The following MACROD2 variants were observed in gnomAD, a reference collection of about 807,000 sequenced individuals.
The protein encoded by MACROD2 is ADP-ribose glycohydrolase MACROD2.
Under a neutral mutation model 70.4 loss-of-function variants are expected in MACROD2, and 36 were observed. The ratio of observed to expected loss-of-function variants is 0.51; its 90% CI spans 0.39 to 0.68. The LOEUF (loss-of-function observed/expected upper bound fraction) is 0.68. MACROD2 is among the 30% of genes least tolerant of loss of function. The pLI is 0.00. For synonymous variants in MACROD2, 172 were observed against 178.8 expected (o/e 0.96, Z 0.30); for missense variants, 496 against 538.4 (o/e 0.92, Z 0.78).
intron 8 of MACROD2, among the ~76,000 whole-genome samples, chr20:15,834,314 T>G (rs2064089010): frequency 6.6e-6 from 1 of 152,172 alleles, no homozygotes; most frequent in African/African-American, 2.4e-5. Flanking sequence ...CACTCCCGTC[T>G]GGGCGACAGA....
chr20:15,654,989 T>A (rs1028235159), intron 8 of MACROD2, among the ~76,000 whole-genome samples: 1 of 152,212 alleles, frequency 6.6e-6, no homozygotes, highest in Admixed American at 6.5e-5. Context: ...TGAGTCACCA[T>A]GCTTCTCCAC....
At chr20:14,541,456 A>G (rs1004512180) in intron 4 of MACROD2, among the ~76,000 whole-genome samples, 1 of 152,012 alleles carries the variant, frequency 6.6e-6, no homozygotes, top group Non-Finnish European at 1.5e-5. Context: ...CTTTTCTCCT[A>G]TTACTTATAA....
intron 8 of MACROD2, among the ~76,000 whole-genome samples, chr20:15,740,620 A>C (rs994560683): frequency 6.6e-6 from 1 of 151,524 alleles, no homozygotes; most frequent in African/African-American, 2.4e-5. Context: ...CTGCCACTCT[A>C]TTTGCCATTT....
intron 5 of MACROD2, among the ~76,000 whole-genome samples, chr20:15,102,017 A>G (rs1212166301): frequency 6.6e-6 from 1 of 152,062 alleles, no homozygotes; most frequent in Non-Finnish European, 1.5e-5. Context: ...CAAAATGCTC[A>G]AATCATAAGG....
chr20:14,781,064 G>A (rs6074798), intron 5 of MACROD2, among the ~76,000 whole-genome samples: 60,121 of 151,730 alleles, frequency 0.4, 13,384 homozygotes, highest in Non-Finnish European at 0.5. Flanking sequence ...ATTAAACATC[G>A]TCTCTGTTTG....
chr20:14,525,903 G>A (rs1164823018), intron 4 of MACROD2, among the ~76,000 whole-genome samples: 1 of 152,116 alleles, frequency 6.6e-6, no homozygotes, highest in Non-Finnish European at 1.5e-5. Flanking sequence ...AATAGCTATT[G>A]GATTCATGTT....
chr20:14,645,729 G>A (rs1985352334), intron 4 of MACROD2, among the ~76,000 whole-genome samples: 1 of 152,076 alleles, frequency 6.6e-6, no homozygotes, highest in African/African-American at 2.4e-5. Flanking sequence ...AATATTGGTT[G>A]CATTTGAAGG....
chr20:15,337,064 A>T (rs1045415648), intron 6 of MACROD2, among the ~76,000 whole-genome samples: 31 of 151,774 alleles, frequency 2.0e-4, no homozygotes, highest in Non-Finnish European at 1.3e-4. Flanking sequence ...CCTGAACTTT[A>T]TTCTCTTAAC....
At chr20:15,581,467 T>C (rs1484052331) in intron 8 of MACROD2, among the ~76,000 whole-genome samples, 1 of 152,228 alleles carries the variant, frequency 6.6e-6, no homozygotes, top group Non-Finnish European at 1.5e-5. Context: ...AACAAAAGAA[T>C]GTTATCTGGG....
intron 10 of MACROD2, among the ~76,000 whole-genome samples, chr20:15,918,946 G>T (rs934397926): frequency 1.3e-5 from 2 of 152,122 alleles, no homozygotes; most frequent in African/African-American, 4.8e-5. Context: ...GAGGTGCTCT[G>T]CATATTAAAT....
chr20:15,073,318 A>G (rs934906814), intron 5 of MACROD2, among the ~76,000 whole-genome samples: 1 of 152,146 alleles, frequency 6.6e-6, no homozygotes, highest in African/African-American at 2.4e-5. Context: ...AAAAAATCCC[A>G]TACCTCAACC....
At chr20:14,450,967 T>C (rs2084238725) in intron 3 of MACROD2, among the ~76,000 whole-genome samples, 1 of 152,056 alleles carries the variant, frequency 6.6e-6, no homozygotes, top group African/African-American at 2.4e-5. Flanking sequence ...CATATCACCA[T>C]AGAAAGGGGT....
intron 5 of MACROD2, among the ~76,000 whole-genome samples, chr20:15,056,767 T>C (rs565539773): frequency 2.6e-5 from 4 of 152,326 alleles, no homozygotes; most frequent in Admixed American, 1.3e-4. Flanking sequence ...TCAAATATCA[T>C]GTGTAACTGA....
At chr20:14,797,613 G>A (rs147856872) in intron 5 of MACROD2, among the ~76,000 whole-genome samples, 40 of 152,128 alleles carry the variant, frequency 2.6e-4, no homozygotes, top group African/African-American at 9.6e-4. Context: ...ATTTCCTCAT[G>A]AAGTCTTCCC....
At chr20:14,154,112 TA>T (rs2055060450) in intron 3 of MACROD2, among the ~76,000 whole-genome samples, 1 of 152,240 alleles carries the variant, frequency 6.6e-6, no homozygotes, top group African/African-American at 2.4e-5. Flanking sequence ...ACTAAATATT[TA>T]AAAGGCTTTT....
intron 5 of MACROD2, among the ~76,000 whole-genome samples, chr20:15,068,178 T>C (rs2075592180): frequency 6.6e-6 from 1 of 152,192 alleles, no homozygotes; most frequent in South Asian, 2.1e-4. Context: ...TATCATGCAT[T>C]TTTTCATATG....
chr20:14,072,586 A>G (rs1339517043), intron 2 of MACROD2, among the ~76,000 whole-genome samples: 2 of 152,148 alleles, frequency 1.3e-5, no homozygotes, highest in Non-Finnish European at 2.9e-5. Context: ...AATATGTACT[A>G]TATATGTATG....
intron 4 of MACROD2, among the ~76,000 whole-genome samples, chr20:14,620,093 G>A (rs1411667243): frequency 1.3e-5 from 2 of 152,074 alleles, no homozygotes; most frequent in Non-Finnish European, 1.5e-5. Context: ...TCATTATTTG[G>A]GATTCCCGTC....
At chr20:15,646,843 GAGTCA>G (rs1411985632) in intron 8 of MACROD2, among the ~76,000 whole-genome samples, 1 of 152,178 alleles carries the variant, frequency 6.6e-6, no homozygotes, top group East Asian at 1.9e-4. Flanking sequence ...GCTGAACTGT[GAGTCA>G]GTTAAACCTC....
Sources: allele counts gnomAD v4.1 joint callset (sites outside exome capture counted in the v4.1 genomes callset), GRCh38; gene constraint gnomAD v4.1.1; transcripts MANE v1.5; gene names NCBI Gene and HGNC (gene_info 2026-07-23, HGNC 2026-07-21).